The following CLEC16A variants were observed in gnomAD, a reference collection of about 807,000 sequenced individuals.
CLEC16A encodes the protein C-type lectin domain containing 16A, also known as protein CLEC16A.
In CLEC16A, 51 loss-of-function variants were observed where a neutral mutation model predicts 109.5. The ratio of observed to expected loss-of-function variants is 0.47; its 90% CI spans 0.37 to 0.59. The LOEUF is 0.59. Ranked by LOEUF, CLEC16A falls within the 20% of genes least tolerant of loss-of-function variation. The pLI, the probability that CLEC16A is intolerant of heterozygous loss-of-function variation, is 0.00. For synonymous variants in CLEC16A, 673 were observed against 564.2 expected, an observed-to-expected ratio of 1.19 and a Z score of -2.73; for missense variants, 1,339 against 1,394.0, an observed-to-expected ratio of 0.96 and a Z score of 0.63.
intron 19 of CLEC16A, among the ~76,000 whole-genome samples, chr16:11,104,622 G>A (rs1157338019): frequency 6.6e-6 from 1 of 152,172 alleles, no homozygotes; most frequent in Non-Finnish European, 1.5e-5. Context: ...CTCTCCAGAG[G>A]GAGGAAGGAG....
chr16:10,972,632 G>A (rs758312281), intron 6 of CLEC16A, 73 bp downstream of exon 6: 36 of 1,346,206 alleles, frequency 2.7e-5, no homozygotes, highest in Middle Eastern at 1.8e-4. Context: ...TGAGAATGGT[G>A]TAATTCTCAG....
At position 11,178,322 on chromosome 16, in the gene CLEC16A, TC is replaced by T; in HGVS notation, c.2807-8del. ...GGGCTCAGTGTGTTTCCGGTTTTTCTCCCCCAATCCAGATGCCCCCATGAGT... is the reference window on the plus strand; with the variant it reads ...GGGCTCAGTGTGTTTCCGGTTTTTCTCCCCAATCCAGATGCCCCCATGAGT... On this transcript the variant is annotated splice_polypyrimidine_tract_variant and intron_variant, in intron 23 of 23. Transcript: ENST00000409790. This position sits in a 1 kb window ranked among gnomAD's most constrained non-coding sequence, Gnocchi z 6.5. 1 of 1,591,968 alleles carries T rather than the reference TC, an allele frequency of 6.3e-7. No individual in the cohort carries two copies. The highest frequency in any genetic ancestry group is 8.6e-7 in the Non-Finnish European group (1 of 1,164,348).
At chr16:10,997,652 T>C (rs934852190) in intron 10 of CLEC16A, among the ~76,000 whole-genome samples, 1 of 152,248 alleles carries the variant, frequency 6.6e-6, no homozygotes, top group African/African-American at 2.4e-5. Flanking sequence ...TAAATAGTGC[T>C]GGTAATAAAA....
At chr16:11,134,211 A>G (rs2053424366) in intron 22 of CLEC16A, among the ~76,000 whole-genome samples, 1 of 147,276 alleles carries the variant, frequency 6.8e-6, no homozygotes, top group Non-Finnish European at 1.5e-5. Flanking sequence ...TTTTGAAAGA[A>G]GGGCCTAACA....
At chr16:11,109,086 G>A (rs2051400078) in intron 19 of CLEC16A, among the ~76,000 whole-genome samples, 2 of 138,120 alleles carry the variant, frequency 1.4e-5, no homozygotes, top group Non-Finnish European at 3.0e-5. Context: ...ACTCCAGCCT[G>A]GGCGACAGAG....
chr16:11,137,734 G>A (rs2153060771), intron 22 of CLEC16A, among the ~76,000 whole-genome samples: 1 of 152,156 alleles, frequency 6.6e-6, no homozygotes, highest in African/African-American at 2.4e-5. Flanking sequence ...GCTTGGACCT[G>A]GCAGGTGGAG....
chr16:11,117,254 C>CGTATACTTAAAATAGGTAAACT (rs952216921), intron 19 of CLEC16A, among the ~76,000 whole-genome samples: 8 of 152,088 alleles, frequency 5.3e-5, no homozygotes, highest in East Asian at 3.9e-4. Context: ...AAACTCAAAC[C>CGTATACTTAAAATAGGTAAACT]GTATACTTAA....
At chr16:10,972,467 C>A in intron 5 of CLEC16A, 87 bp from the exon 6 acceptor site, 1 of 1,239,302 alleles carries the variant, frequency 8.1e-7, no homozygotes, top group South Asian at 1.2e-5. Flanking sequence ...CTGAGCAGCT[C>A]TCTCACCTTC....
At chr16:10,958,281 AC>A (rs1160112406) in intron 2 of CLEC16A, among the ~76,000 whole-genome samples, 1 of 152,180 alleles carries the variant, frequency 6.6e-6, no homozygotes, top group East Asian at 1.9e-4. Context: ...TACCATGTTT[AC>A]TGATGACCAG....
chr16:11,000,115 G>A (rs1002203870), intron 10 of CLEC16A, among the ~76,000 whole-genome samples: 1 of 152,240 alleles, frequency 6.6e-6, no homozygotes, highest in Admixed American at 6.5e-5. Flanking sequence ...TGGGATTACA[G>A]GCGTGAGCCA....
At chr16:10,971,745 G>A (rs1430851544) in intron 5 of CLEC16A, among the ~76,000 whole-genome samples, 1 of 152,192 alleles carries the variant, frequency 6.6e-6, no homozygotes, top group Non-Finnish European at 1.5e-5. Context: ...CATTGCCCCA[G>A]GGAAAAAGCC....
chr16:11,094,249 G>A (rs757960375), intron 19 of CLEC16A, among the ~76,000 whole-genome samples: 28 of 152,294 alleles, frequency 1.8e-4, no homozygotes, highest in African/African-American at 6.3e-4. Flanking sequence ...GGCTCCAGGG[G>A]CTCAAAGGGG....
chr16:11,124,879 G>C (rs1348102458), intron 21 of CLEC16A, among the ~76,000 whole-genome samples: 1 of 152,140 alleles, frequency 6.6e-6, no homozygotes. Context: ...TTGCGCCCAG[G>C]AATTCGAGGC....
At chr16:10,972,829 G>A in intron 6 of CLEC16A, 109 bp from the exon 7 acceptor site, 1 of 1,145,834 alleles carries the variant, frequency 8.7e-7, no homozygotes, top group Non-Finnish European at 1.2e-6. Context: ...ATAGCAGAGG[G>A]CTTTTTCATT....
At chr16:11,096,795 C>G (rs747012145) in intron 19 of CLEC16A, among the ~76,000 whole-genome samples, 1 of 152,076 alleles carries the variant, frequency 6.6e-6, no homozygotes. Flanking sequence ...TGTCCATGTA[C>G]GTAATCATGT....
At chr16:10,959,308 G>A (rs985604384) in intron 2 of CLEC16A, among the ~76,000 whole-genome samples, 1 of 152,166 alleles carries the variant, frequency 6.6e-6, no homozygotes, top group Admixed American at 6.5e-5. Context: ...GTAAACAGTG[G>A]CTATGATCTC....
chr16:11,109,563 C>T (rs2051442777), intron 19 of CLEC16A, among the ~76,000 whole-genome samples: 1 of 152,184 alleles, frequency 6.6e-6, no homozygotes, highest in African/African-American at 2.4e-5. Flanking sequence ...CTCCCTGCAC[C>T]ACCCACAGGC....
intron 11 of CLEC16A, among the ~76,000 whole-genome samples, chr16:11,006,980 ACT>A (rs2045061898): frequency 6.6e-6 from 1 of 152,108 alleles, no homozygotes; most frequent in Middle Eastern, 3.2e-3. Flanking sequence ...AGAAGCATTC[ACT>A]CTGCCCAGGA....
At chr16:10,995,370 T>C (rs2044265729) in intron 10 of CLEC16A, among the ~76,000 whole-genome samples, 1 of 152,316 alleles carries the variant, frequency 6.6e-6, no homozygotes, top group South Asian at 2.1e-4. Flanking sequence ...CTGTGTACCT[T>C]GCCAGTCCTG....
Sources: allele counts gnomAD v4.1 joint callset (sites outside exome capture counted in the v4.1 genomes callset), GRCh38; gene constraint gnomAD v4.1.1; non-coding constraint Gnocchi (gnomAD v3.1); transcripts MANE v1.5; gene names NCBI Gene and HGNC (gene_info 2026-07-23, HGNC 2026-07-21).